EPGN: variants seen among roughly 807,000 people sequenced by gnomAD.
EPGN encodes epithelial mitogen.
A neutral mutation model predicts 20.7 loss-of-function variants in EPGN; 21 were observed. The observed-to-expected ratio is 1.01, with a 90% CI of 0.72 to 1.46. EPGN has a LOEUF of 1.46. Ranked by LOEUF, EPGN falls within the 40% of genes most tolerant of loss-of-function variation. The pLI is 0.00. For synonymous variants in EPGN, 69 were observed against 63.8 expected (o/e 1.08, Z -0.39); for missense variants, 199 against 180.7 (o/e 1.10, Z -0.58).
At chr4:74,312,115 A>G (rs1007850807) in intron 2 of EPGN, 70 bp from the exon 3 acceptor site, 39 of 1,494,810 alleles carry the variant, frequency 2.6e-5, no homozygotes, top group Middle Eastern at 1.8e-4. Context: ...ATTTATTTAC[A>G]TATGTATTAA....
chr4:74,314,920 A>G lies in EPGN; in HGVS notation c.*283A>G, dbSNP rs2110358991. 1 of 421,112 alleles carries G rather than the reference A, an allele frequency of 2.4e-6. No homozygotes were observed. Among genetic ancestry groups the G allele is most frequent in the South Asian group, 3.2e-5 (1 of 31,378 alleles). The allele number at this position is 421,112 out of a possible 1,614,324, so 26.1% of individuals were successfully genotyped here. The stretch of plus-strand genomic sequence containing the variant: ...GTGTGGTTATTATTCTCACTACAGA[A>G]AGACTGAGTTTCATGCTCCTGGCTA... On this transcript the variant is annotated 3_prime_UTR_variant, in exon 5 of 5. Transcript: ENST00000413830.
chr4:74,314,349 C>A (rs867988794), intron 4 of EPGN: 2 of 585,974 alleles, frequency 3.4e-6, no homozygotes, highest in Non-Finnish European at 6.1e-6. Context: ...GGCTTGTAAT[C>A]TCCCAGCAAT....
At chr4:74,313,198 C>G in intron 4 of EPGN, 28 bp downstream of exon 4, 5 of 1,596,608 alleles carry the variant, frequency 3.1e-6, no homozygotes, top group Non-Finnish European at 4.3e-6. Context: ...TATGAAGTCA[C>G]TTCATATGCA....
intron 4 of EPGN, chr4:74,313,635 A>G (rs1345366810): frequency 1.0e-6 from 1 of 993,896 alleles, no homozygotes; most frequent in Non-Finnish European, 1.2e-6. Context: ...CCAGACGTCA[A>G]CTGGGGGTAT....
chr4:74,312,283 G>A lies in EPGN; in HGVS notation c.232G>A (p.Glu78Lys). Residue 78 changes from glutamate to lysine, a missense_variant, in exon 3 of 5, where the codon GAG becomes AAG. Glu to Lys is a moderately conservative substitution (Grantham distance 56). Coordinates refer to ENST00000413830, the MANE Select transcript of EPGN (RefSeq NM_001270989.2). Reference sequence around the variant, plus strand: ...CAACGGTGCTTGTGCATTCCACCATGAGCTAGAGAAAGCCATCTGCAGGTA... The same window carrying A: ...CAACGGTGCTTGTGCATTCCACCATAAGCTAGAGAAAGCCATCTGCAGGTA... Reference protein sequence around the residue: ...CINGACAFHHELEKAICRCFT... With the variant: ...CINGACAFHHKLEKAICRCFT... The A allele has an allele frequency of 1.2e-6, 2 of 1,611,482 alleles. No homozygotes were observed. Among genetic ancestry groups the A allele is most frequent in the South Asian group, 1.1e-5 (1 of 90,364 alleles).
chr4:74,314,074 G>T, intron 4 of EPGN: 1 of 455,858 alleles, frequency 2.2e-6, no homozygotes, highest in Non-Finnish European at 4.4e-6. Flanking sequence ...GGAGCCTTCA[G>T]ATAGAGATTG....
intron 1 of EPGN, among the ~76,000 whole-genome samples, chr4:74,308,891 G>T (rs1248224858): frequency 6.6e-6 from 1 of 152,090 alleles, no homozygotes; most frequent in African/African-American, 2.4e-5. Flanking sequence ...TAAATATTGG[G>T]TTTTTATTTG....
chr4:74,312,269 G>A lies in EPGN; in HGVS notation c.218G>A (p.Cys73Tyr), dbSNP rs771610784. Reference protein sequence around the residue: ...DHNSYCINGACAFHHELEKAI... With the variant: ...DHNSYCINGAYAFHHELEKAI... Reference sequence around the variant, plus strand: ...AACAGTTACTGCATCAACGGTGCTTGTGCATTCCACCATGAGCTAGAGAAA... The same window carrying A: ...AACAGTTACTGCATCAACGGTGCTTATGCATTCCACCATGAGCTAGAGAAA... The change falls in exon 3 of 5, where the codon TGT (cysteine) becomes TAT (tyrosine). Residue 73 changes from cysteine (C) to tyrosine (Y), a missense_variant. Coordinates refer to ENST00000413830, the MANE Select transcript of EPGN (RefSeq NM_001270989.2). The A allele has an allele frequency of 4.3e-6, 7 of 1,612,836 alleles. No individual in the cohort carries two copies. Among genetic ancestry groups the A allele is most frequent in the African/African-American group, 2.7e-5 (2 of 74,870 alleles).
chr4:74,314,301 A>G (rs1751157485), intron 4 of EPGN: 1 of 532,758 alleles, frequency 1.9e-6, no homozygotes, highest in South Asian at 1.9e-5. Flanking sequence ...AATATCCCAT[A>G]TTATTCAATC....
rs993776132 is a variant in EPGN, at chr4:74,316,019, A to G, written c.*1382A>G. On this transcript the variant is annotated 3_prime_UTR_variant, in exon 5 of 5. Transcript: ENST00000413830. ...TTTCTGCCACTTAATTCAAACAGTCATATGCAGGTCGCTTAATTTATTTGT... is the reference window on the plus strand; with the variant it reads ...TTTCTGCCACTTAATTCAAACAGTCGTATGCAGGTCGCTTAATTTATTTGT... Among the ~76,000 whole-genome samples the G allele has an allele frequency of 6.6e-6, 1 of 151,658 alleles. No homozygotes were observed. The highest frequency in any genetic ancestry group is 2.4e-5 in the African/African-American group (1 of 41,294).
Position 74,313,133 on chromosome 4 carries a change from G to GA in EPGN, c.370_371insA (p.Gly124GlufsTer36), listed in dbSNP as rs1560580714. On this transcript the variant is annotated frameshift_variant, in exon 4 of 5. Transcript: ENST00000413830. LOFTEE classifies it high-confidence loss of function. ...GATTGGTGTTGGATTACTATTAAGT[G>GA]GTTTTCTTGTTATTTTTTACTGCTA... is the stretch of plus-strand genomic sequence containing the variant. 1 of 1,611,740 alleles carries GA rather than the reference G, an allele frequency of 6.2e-7. No homozygotes were observed. The highest frequency in any genetic ancestry group is 8.5e-7 in the Non-Finnish European group (1 of 1,179,248).
chr4:74,309,136 T>G lies in EPGN; in HGVS notation c.87T>G (p.Pro29=). Residue 29 remains proline, a synonymous_variant, in exon 2 of 5, where the codon CCT becomes CCG. Coordinates refer to ENST00000413830, the MANE Select transcript of EPGN (RefSeq NM_001270989.2). ...LTEEAAVTVT[P]PITAQQGNWT... The stretch of plus-strand genomic sequence containing the variant: ...AAGAGGCAGCCGTGACTGTAACACC[T>G]CCAATCACAGCCCAGCAAGGTAACT... 1.2e-6 allele frequency: 2 copies of G among 1,613,608 alleles called. No homozygotes were observed. Among genetic ancestry groups the G allele is most frequent in the Non-Finnish European group, 1.7e-6 (2 of 1,179,666 alleles).
In EPGN at chr4:74,316,304, A is replaced by T. The variant is rs2110360901; in HGVS notation, c.*1667A>T. Among the ~76,000 whole-genome samples, 1 of 152,340 alleles carries T rather than the reference A, an allele frequency of 6.6e-6. No homozygotes were observed. The highest frequency in any genetic ancestry group is 1.9e-4 in the East Asian group (1 of 5,186). On this transcript the variant is annotated 3_prime_UTR_variant, in exon 5 of 5. Transcript: ENST00000413830. ...GTAATAATAGCTATCATTTTTTAAG[A>T]TTCAATCTAAAACAATGGACTCTTT...
intron 4 of EPGN, chr4:74,313,616 CA>C (rs1751110856): frequency 5.0e-6 from 5 of 999,504 alleles, no homozygotes; most frequent in Non-Finnish European, 6.0e-6. Context: ...AAACATTGGC[CA>C]TTTCTTCCCA....
chr4:74,312,695 C>A (rs1260893208), intron 3 of EPGN, among the ~76,000 whole-genome samples: 1 of 152,098 alleles, frequency 6.6e-6, no homozygotes, highest in African/African-American at 2.4e-5. Context: ...ATATGAAGTT[C>A]TAGAGCAACT....
chr4:74,312,331 C>T (rs1157481449), intron 3 of EPGN, 26 bp downstream of exon 3: 2 of 1,598,232 alleles, frequency 1.3e-6, no homozygotes, highest in Non-Finnish European at 1.7e-6. Context: ...TATCCAAGTC[C>T]TAGAGACAGG....
chr4:74,312,219 C>A lies in EPGN; in HGVS notation c.168C>A (p.Phe56Leu). ...TAGAAGGACCCATAGCCTTGAAGTT[C>A]TCACACCTTTGCCTGGAAGATCATA... ...DNIEGPIALK[F>L]SHLCLEDHNS... The change falls in exon 3 of 5, where the codon TTC (phenylalanine) becomes TTA (leucine). Residue 56 changes from phenylalanine to leucine, a missense_variant. Physicochemically the swap from Phe to Leu is conservative, Grantham distance 22. Transcript: ENST00000413830. 1 of 1,613,076 alleles carries A rather than the reference C, an allele frequency of 6.2e-7. No homozygotes were observed. The highest frequency in any genetic ancestry group is 8.5e-7 in the Non-Finnish European group (1 of 1,179,444).
At chr4:74,311,460 T>G (rs547690324) in intron 2 of EPGN, among the ~76,000 whole-genome samples, 1 of 152,288 alleles carries the variant, frequency 6.6e-6, no homozygotes, top group Non-Finnish European at 1.5e-5. Context: ...TTAAAACTGT[T>G]TTTTCCCTAC....
chr4:74,310,475 A>G (rs1224946412), intron 2 of EPGN, among the ~76,000 whole-genome samples: 1 of 151,264 alleles, frequency 6.6e-6, no homozygotes, highest in Non-Finnish European at 1.5e-5. Context: ...AAAAAAAAAA[A>G]AAAAAAAAAA....
Sources: allele counts gnomAD v4.1 joint callset (sites outside exome capture counted in the v4.1 genomes callset), GRCh38; gene constraint gnomAD v4.1.1; transcripts MANE v1.5; gene names NCBI Gene and HGNC (gene_info 2026-07-23, HGNC 2026-07-21).